The following ERBB4 variants were observed in gnomAD, a reference collection of about 807,000 sequenced individuals.
ERBB4 encodes the protein receptor tyrosine-protein kinase erbB-4.
In ERBB4, 42 loss-of-function variants were observed where a neutral mutation model predicts 158.0. That is an observed-to-expected ratio of 0.27 (90% confidence interval 0.21 to 0.34). ERBB4 has a LOEUF of 0.34. Ranked by LOEUF, ERBB4 falls within the 10% of genes least tolerant of loss-of-function variation. The pLI, the probability that ERBB4 is intolerant of heterozygous loss-of-function variation, is 1.00. For synonymous variants in ERBB4, 583 were observed against 558.7 expected, an observed-to-expected ratio of 1.04 and a Z score of -0.61; for missense variants, 1,333 against 1,624.1, an observed-to-expected ratio of 0.82 and a Z score of 3.08.
At chr2:211,885,749 G>A (rs188419448) in intron 3 of ERBB4, among the ~76,000 whole-genome samples, 236 of 152,216 alleles carry the variant, frequency 1.6e-3, no homozygotes, top group Non-Finnish European at 2.1e-3. Flanking sequence ...GTGAGCCACC[G>A]TGCCTGGCCG....
At position 212,433,596 on chromosome 2, in the gene ERBB4, A is replaced by G. The variant is rs144134108; in HGVS notation, c.82+104853T>C. On this transcript the variant is annotated intron_variant, in intron 1 of 27. Transcript: ENST00000342788. ...CTCATTTATTCCTTACTTGCATACC[A>G]GGTTCTCAACAAGAACAGCTGATCC... Among the ~76,000 whole-genome samples the G allele has an allele frequency of 3.7e-3, 568 of 152,132 alleles. 4 individuals are homozygous for G. Among genetic ancestry groups the G allele is most frequent in the Middle Eastern group, 0.02 (6 of 294 alleles).
chr2:211,625,679 AG>A (rs1574879757), intron 17 of ERBB4, among the ~76,000 whole-genome samples: 1 of 152,200 alleles, frequency 6.6e-6, no homozygotes, highest in Non-Finnish European at 1.5e-5. Flanking sequence ...CTTCATTTGA[AG>A]GCAACTCAAC....
chr2:211,403,250 G>C (rs945688784), intron 25 of ERBB4, among the ~76,000 whole-genome samples: 3 of 151,908 alleles, frequency 2.0e-5, no homozygotes, highest in Non-Finnish European at 2.9e-5. Context: ...TTGCTTTCTT[G>C]GAATATTTCA....
chr2:212,442,855 G>A (rs942711025), intron 1 of ERBB4, among the ~76,000 whole-genome samples: 9 of 152,256 alleles, frequency 5.9e-5, no homozygotes, highest in Non-Finnish European at 8.8e-5. Context: ...AGAGATTAGC[G>A]CCACCATCAA....
chr2:211,881,868 T>C (rs1462780225), intron 3 of ERBB4, among the ~76,000 whole-genome samples: 1 of 152,172 alleles, frequency 6.6e-6, no homozygotes, highest in Admixed American at 6.5e-5. Flanking sequence ...CAACGAACCT[T>C]GGATATTATC....
At chr2:212,054,584 G>A (rs1480265123) in intron 2 of ERBB4, among the ~76,000 whole-genome samples, 4 of 152,100 alleles carry the variant, frequency 2.6e-5, no homozygotes, top group African/African-American at 9.7e-5. Context: ...GCAGGTCCCA[G>A]GCCATCTTCA....
At chr2:211,644,165 T>C (rs2070701457) in intron 16 of ERBB4, among the ~76,000 whole-genome samples, 1 of 152,076 alleles carries the variant, frequency 6.6e-6, no homozygotes, top group Admixed American at 6.6e-5. Context: ...CAGAGGCTTT[T>C]GGTCATTGCA....
intron 2 of ERBB4, among the ~76,000 whole-genome samples, chr2:212,098,866 A>T (rs1445289884): frequency 6.6e-6 from 1 of 152,168 alleles, no homozygotes; most frequent in Non-Finnish European, 1.5e-5. Context: ...ATATTTATTC[A>T]GGAATGATGC....
intron 2 of ERBB4, among the ~76,000 whole-genome samples, chr2:212,120,054 T>C (rs2079699649): frequency 6.6e-6 from 1 of 151,908 alleles, no homozygotes; most frequent in African/African-American, 2.4e-5. Context: ...AGAGTAGAGG[T>C]GGAAATGGCT....
At chr2:211,975,037 G>A (rs538714410) in intron 2 of ERBB4, among the ~76,000 whole-genome samples, 2 of 151,916 alleles carry the variant, frequency 1.3e-5, no homozygotes, top group Non-Finnish European at 2.9e-5. Flanking sequence ...AGGCTGGACT[G>A]CAGTGGCACA....
chr2:212,384,046 G>A (rs1274342009), intron 1 of ERBB4, among the ~76,000 whole-genome samples: 1 of 151,514 alleles, frequency 6.6e-6, no homozygotes, highest in South Asian at 2.1e-4. Context: ...GTATCTCTGT[G>A]TTGTATTTTA....
At chr2:211,542,495 T>C (rs1236212047) in intron 20 of ERBB4, among the ~76,000 whole-genome samples, 1 of 151,982 alleles carries the variant, frequency 6.6e-6, no homozygotes, top group Non-Finnish European at 1.5e-5. Flanking sequence ...CTCTTTTCTA[T>C]GGCTCTGTCA....
At position 212,538,558 on chromosome 2, in the gene ERBB4, A is replaced by G; in HGVS notation, c.-28T>C. 6.2e-7 allele frequency: 1 copy of G among 1,601,380 alleles called. No individual in the cohort carries two copies. The highest frequency in any genetic ancestry group is 8.6e-7 in the Non-Finnish European group (1 of 1,168,374). ...TTTGGAAGTCTCAGATCCCGTGCTG[A>G]CAATTACATGTCCAAATGGCATATC... On this transcript the variant is annotated 5_prime_UTR_variant, in exon 1 of 28. Transcript: ENST00000342788.
chr2:211,795,235 G>A (rs1457634472), intron 3 of ERBB4, among the ~76,000 whole-genome samples: 1 of 151,708 alleles, frequency 6.6e-6, no homozygotes, highest in Non-Finnish European at 1.5e-5. Context: ...CAATAATACT[G>A]AATCTAGTTG....
In ERBB4 at chr2:212,072,592, C is replaced by A. The variant is rs912554755; in HGVS notation, c.234+52160G>T. ...GAAAGAGGGCTGGGCAGTAAGAATT[C>A]ACTCACATTATTAGAATATTGGAGA... On this transcript the variant is annotated intron_variant, in intron 2 of 27. Transcript: ENST00000342788. Among the ~76,000 whole-genome samples the A allele has an allele frequency of 2.0e-5, 3 of 151,980 alleles. No homozygotes were observed. The East Asian group carries it at 5.8e-4, about 29-fold the overall frequency.
At chr2:212,345,159 G>T (rs948157570) in intron 1 of ERBB4, among the ~76,000 whole-genome samples, 2 of 151,180 alleles carry the variant, frequency 1.3e-5, no homozygotes, top group Non-Finnish European at 3.0e-5. Flanking sequence ...CCAGCTACTC[G>T]GGAGGCTGAG....
intron 1 of ERBB4, among the ~76,000 whole-genome samples, chr2:212,218,837 T>C (rs1221348820): frequency 6.6e-6 from 1 of 151,402 alleles, no homozygotes; most frequent in Non-Finnish European, 1.5e-5. Flanking sequence ...ACATAATATA[T>C]AGAATGGGGA....
intron 17 of ERBB4, 121 bp from the exon 18 acceptor site, chr2:211,624,165 T>TGTCAAGGCAAACCAAG: frequency 1.6e-6 from 2 of 1,281,426 alleles, no homozygotes; most frequent in Non-Finnish European, 2.2e-6. Flanking sequence ...CCAACTTGGT[T>TGTCAAGGCAAACCAAG]TGCCTTGACA....
chr2:211,515,643 C>T (rs929706885), intron 20 of ERBB4, among the ~76,000 whole-genome samples: 1 of 151,512 alleles, frequency 6.6e-6, no homozygotes, highest in Non-Finnish European at 1.5e-5. Flanking sequence ...TGTGAAGACA[C>T]CCATTTCTCT....
Sources: allele counts gnomAD v4.1 joint callset (sites outside exome capture counted in the v4.1 genomes callset), GRCh38; gene constraint gnomAD v4.1.1; transcripts MANE v1.5; gene names NCBI Gene and HGNC (gene_info 2026-07-23, HGNC 2026-07-21).